DNAJA3: variants seen among roughly 807,000 people sequenced by gnomAD.
DNAJA3 encodes the protein DnaJ heat shock protein family (Hsp40) member A3, also known as dnaJ homolog subfamily A member 3, mitochondrial.
A neutral mutation model predicts 54.9 loss-of-function variants in DNAJA3; 29 were observed. The ratio of observed to expected loss-of-function variants is 0.53; its 90% CI spans 0.39 to 0.72. The LOEUF (loss-of-function observed/expected upper bound fraction) is 0.72, where lower values mean the gene tolerates loss of function less well. Ranked by LOEUF, DNAJA3 falls within the 30% of genes least tolerant of loss-of-function variation. The pLI is 0.00. For missense variants in DNAJA3, 708 were observed against 639.4 expected (o/e 1.11, Z -1.16); for synonymous variants, 302 against 251.4 (o/e 1.20, Z -1.90).
intron 3 of DNAJA3, among the ~76,000 whole-genome samples, chr16:4,439,529 A>C (rs2056814443): frequency 6.6e-6 from 1 of 151,964 alleles, no homozygotes; most frequent in African/African-American, 2.4e-5. Context: ...AGAAGATTCA[A>C]TTTTTAATGG....
At chr16:4,444,777 G>T (rs774147201) in intron 7 of DNAJA3, 49 bp downstream of exon 7, 2 of 1,549,554 alleles carry the variant, frequency 1.3e-6, no homozygotes, top group East Asian at 4.5e-5. Flanking sequence ...CCTCTCTTCG[G>T]GTGGGTGTGG....
Position 4,441,527 on chromosome 16 carries a change from A to G in DNAJA3, c.582A>G (p.Ser194=). Residue 194 remains serine (S), a synonymous_variant, in exon 4 of 12, where the codon TCA becomes TCG. Coordinates refer to ENST00000262375, the MANE Select transcript of DNAJA3 (RefSeq NM_005147.6). Reference sequence around the variant, plus strand: ...TCAGGAAGATCTTTGGCGAGTTCTCATCCTCTTCATTTGGAGATTTCCAGA... The same window carrying G: ...TCAGGAAGATCTTTGGCGAGTTCTCGTCCTCTTCATTTGGAGATTTCCAGA... ...ELFRKIFGEF[S]SSSFGDFQTV... 2 of 1,614,174 alleles carry G rather than the reference A, an allele frequency of 1.2e-6. No individual in the cohort carries two copies. Among genetic ancestry groups the G allele is most frequent in the African/African-American group, 1.3e-5 (1 of 75,060 alleles).
chr16:4,454,363 C>T (rs770313688), intron 10 of DNAJA3, among the ~76,000 whole-genome samples: 1 of 152,216 alleles, frequency 6.6e-6, no homozygotes, highest in Non-Finnish European at 1.5e-5. Flanking sequence ...TCAGTCCTCC[C>T]TCCCGCTTGT....
chr16:4,448,892 G>A (rs1353334173), intron 9 of DNAJA3, 44 bp downstream of exon 9: 4 of 1,463,784 alleles, frequency 2.7e-6, no homozygotes, highest in Non-Finnish European at 3.8e-6. Flanking sequence ...TGGTCCTGCG[G>A]TGGCACTGCC....
Position 4,447,024 on chromosome 16 carries a change from T to G in DNAJA3, c.1125+10T>G. ...GACGATCAACGTGACGGTAAGAGGGTGTGAGAACACCTTTGTCACCCCTGT... is the reference window on the plus strand; with the variant it reads ...GACGATCAACGTGACGGTAAGAGGGGGTGAGAACACCTTTGTCACCCCTGT... On this transcript the variant is annotated intron_variant, in intron 8 of 11. Transcript: ENST00000262375. 6.2e-7 allele frequency: 1 copy of G among 1,611,622 alleles called. No homozygotes were observed. Among genetic ancestry groups the G allele is most frequent in the South Asian group, 1.1e-5 (1 of 90,788 alleles).
Position 4,454,803 on chromosome 16 carries a change from G to T in DNAJA3, c.1340-8G>T, listed in dbSNP as rs775957365. Reference sequence around the variant, plus strand: ...ATGACGCCAGTTCTTTCTGCTGTTTGTGCCCAGGTGGCAGCACCATGGATA... The same window carrying T: ...ATGACGCCAGTTCTTTCTGCTGTTTTTGCCCAGGTGGCAGCACCATGGATA... On this transcript the variant is annotated splice_polypyrimidine_tract_variant and splice_region_variant and intron_variant, in intron 10 of 11. Coordinates refer to ENST00000262375, the MANE Select transcript of DNAJA3 (RefSeq NM_005147.6). 6.2e-7 allele frequency: 1 copy of T among 1,607,654 alleles called. No homozygotes were observed. The highest frequency in any genetic ancestry group is 1.3e-5 in the African/African-American group (1 of 74,924).
At chr16:4,429,185 C>T (rs2056661529) in intron 1 of DNAJA3, among the ~76,000 whole-genome samples, 1 of 151,030 alleles carries the variant, frequency 6.6e-6, no homozygotes, top group African/African-American at 2.4e-5. Flanking sequence ...CCGCGCCCGG[C>T]CAAGATTTTT....
Position 4,441,569 on chromosome 16 carries a change from T to G in DNAJA3, c.624T>G (p.Pro208=). Reference sequence around the variant, plus strand: ...ATTTCCAGACCGTGTTTGATCAGCCTCAGGAAGTAAGTTCCTCACTTGGAA... The same window carrying G: ...ATTTCCAGACCGTGTTTGATCAGCCGCAGGAAGTAAGTTCCTCACTTGGAA... The part of the protein sequence containing the change: ...FGDFQTVFDQ[P]QEYFMELTFN... Residue 208 remains proline, a synonymous_variant, in exon 4 of 12, where the codon CCT becomes CCG. Transcript: ENST00000262375. 1 of 1,613,664 alleles carries G rather than the reference T, an allele frequency of 6.2e-7. No individual in the cohort carries two copies. Among genetic ancestry groups the G allele is most frequent in the Non-Finnish European group, 8.5e-7 (1 of 1,179,898 alleles).
At chr16:4,433,617 C>T (rs769703070) in intron 1 of DNAJA3, among the ~76,000 whole-genome samples, 20 of 151,950 alleles carry the variant, frequency 1.3e-4, no homozygotes, top group Non-Finnish European at 2.4e-4. Flanking sequence ...CCCAAGGCTG[C>T]AAGATAGAGG....
intron 3 of DNAJA3, chr16:4,441,093 A>T: frequency 2.0e-6 from 1 of 494,052 alleles, no homozygotes; most frequent in Middle Eastern, 5.3e-4. Flanking sequence ...GGTGCCTGTG[A>T]GGTCAAGCGA....
At chr16:4,450,257 A>G in intron 9 of DNAJA3, 143 bp from the exon 10 acceptor site, 1 of 603,874 alleles carries the variant, frequency 1.7e-6, no homozygotes, top group Non-Finnish European at 2.9e-6. Context: ...TTAGGTTCTC[A>G]CCGCTGCACT....
At chr16:4,449,601 C>G (rs1422317525) in intron 9 of DNAJA3, 1 of 151,272 alleles carries the variant, frequency 6.6e-6, no homozygotes, top group East Asian at 2.0e-4. Flanking sequence ...TCTCGAACTC[C>G]TGACCTCAGG....
intron 7 of DNAJA3, among the ~76,000 whole-genome samples, chr16:4,445,309 C>T (rs1189844034): frequency 6.6e-6 from 1 of 152,208 alleles, no homozygotes; most frequent in Non-Finnish European, 1.5e-5. Flanking sequence ...GAGAGCTGAA[C>T]TCAAGGGATG....
intron 6 of DNAJA3, 77 bp from the exon 7 acceptor site, chr16:4,444,587 G>C (rs2056879942): frequency 6.2e-6 from 8 of 1,289,022 alleles, no homozygotes; most frequent in Non-Finnish European, 9.0e-6. Flanking sequence ...GCCCGCCTCG[G>C]CCTCCCAAAG....
intron 6 of DNAJA3, 127 bp from the exon 7 acceptor site, chr16:4,444,537 T>C (rs1171972800): frequency 5.7e-6 from 4 of 704,842 alleles, no homozygotes; most frequent in South Asian, 1.6e-5. Context: ...GGTTTCACCA[T>C]GTTGGCCAGG....
chr16:4,448,659 G>C (rs577959957), intron 8 of DNAJA3, 74 bp from the exon 9 acceptor site: 1 of 999,572 alleles, frequency 1.0e-6, no homozygotes, highest in South Asian at 1.4e-5. Flanking sequence ...TATCAAGATT[G>C]TCTTCATGTA....
chr16:4,426,158 G>T, intron 1 of DNAJA3, 66 bp downstream of exon 1: 1 of 1,436,308 alleles, frequency 7.0e-7, no homozygotes, highest in Non-Finnish European at 9.2e-7. Flanking sequence ...TCTCCTCGCT[G>T]TGACTACGGC....
chr16:4,436,981 T>C (rs1437342392), intron 2 of DNAJA3, among the ~76,000 whole-genome samples: 1 of 152,122 alleles, frequency 6.6e-6, no homozygotes, highest in East Asian at 1.9e-4. Flanking sequence ...TATTATTATT[T>C]TGTGGGGCGG....
At chr16:4,440,030 C>T (rs1419467708) in intron 3 of DNAJA3, among the ~76,000 whole-genome samples, 3 of 152,044 alleles carry the variant, frequency 2.0e-5, no homozygotes, top group East Asian at 1.9e-4. Context: ...CCTCAACCTC[C>T]GTGCTCAAGC....
Sources: allele counts gnomAD v4.1 joint callset (sites outside exome capture counted in the v4.1 genomes callset), GRCh38; gene constraint gnomAD v4.1.1; transcripts MANE v1.5; gene names NCBI Gene and HGNC (gene_info 2026-07-23, HGNC 2026-07-21).